Variants in GLB1 observed in about 807,000 individuals in gnomAD.
GLB1 encodes the protein beta-galactosidase.
GLB1 carries 56 observed loss-of-function variants against 74.0 expected under a neutral mutation model. The ratio of observed to expected loss-of-function variants is 0.76; its 90% confidence interval spans 0.61 to 0.94. GLB1 has a LOEUF of 0.94. Among genes scored for constraint, GLB1 ranks in the 40% least tolerant of loss-of-function variants. The pLI, the probability that GLB1 is intolerant of heterozygous loss-of-function variation, is 0.00. For synonymous variants in GLB1, 323 were observed against 323.6 expected (o/e 1.00, Z 0.02); for missense variants, 787 against 845.5 (o/e 0.93, Z 0.86).
intron 1 of GLB1, chr3:33,092,182 C>T: frequency 1.0e-6 from 1 of 985,814 alleles, no homozygotes; most frequent in Non-Finnish European, 1.2e-6. Context: ...CCCCCAAAGG[C>T]CCAGGAGCAC....
At chr3:33,022,509 T>C (rs1697533052) in intron 11 of GLB1, among the ~76,000 whole-genome samples, 1 of 148,176 alleles carries the variant, frequency 6.7e-6, no homozygotes, top group Non-Finnish European at 1.5e-5. Flanking sequence ...CCAGGATTTG[T>C]AGTTAGATTT....
rs1700866071 is a variant in GLB1 at position 33,093,543 on chromosome 3, C to T, written c.75+3468G>A. On this transcript the variant is annotated intron_variant, in intron 1 of 15. Coordinates refer to ENST00000307363, the MANE Select transcript of GLB1 (RefSeq NM_000404.4). This position sits in a 1 kb window ranked among gnomAD's most constrained non-coding sequence, Gnocchi z 6.0. Reference sequence around the variant, plus strand: ...CATCTTGGTCCTGCCCACTGTGGGGCCCAAGTGAATGTCTGAGAGGAGCAC... The same window carrying T: ...CATCTTGGTCCTGCCCACTGTGGGGTCCAAGTGAATGTCTGAGAGGAGCAC... 1.2e-6 allele frequency: 2 copies of T among 1,614,190 alleles called. No individual in the cohort carries two copies. The highest frequency in any genetic ancestry group is 1.7e-6 in the Non-Finnish European group (2 of 1,180,024).
downstream of GLB1, among the ~76,000 whole-genome samples, chr3:32,993,666 C>A (rs1324337024): frequency 6.6e-6 from 1 of 150,780 alleles, no homozygotes; most frequent in African/African-American, 2.4e-5. Context: ...TCCTGAGTAG[C>A]TGGGATTACA....
chr3:33,053,608 A>G, intron 6 of GLB1, 59 bp from the exon 7 acceptor site: 1 of 1,610,504 alleles, frequency 6.2e-7, no homozygotes, highest in Non-Finnish European at 8.5e-7. Context: ...AAGTTAAATA[A>G]CAAGAGCCCT....
At chr3:33,065,370 T>C (rs922801154) in intron 5 of GLB1, 93 bp downstream of exon 5, 14 of 1,473,606 alleles carry the variant, frequency 9.5e-6, no homozygotes, top group Non-Finnish European at 1.3e-5. Flanking sequence ...AACAGACCTA[T>C]GAGGCTCATG....
At chr3:33,020,850 G>A (rs1254691364) in intron 12 of GLB1, among the ~76,000 whole-genome samples, 1 of 152,112 alleles carries the variant, frequency 6.6e-6, no homozygotes, top group Non-Finnish European at 1.5e-5. Flanking sequence ...GGAGTGACAT[G>A]GTGCTGATAA....
At chr3:33,030,145 G>A (rs1260291450) in intron 10 of GLB1, 1 of 152,078 alleles carries the variant, frequency 6.6e-6, no homozygotes. Context: ...AAACAGTGCT[G>A]TTTCATTCAT....
At chr3:32,975,806 A>T in the GLB1 span, among the ~76,000 whole-genome samples, 3 of 152,234 alleles carry the variant, frequency 2.0e-5, no homozygotes, top group Non-Finnish European at 4.4e-5. Flanking sequence ...GTACTTTTAA[A>T]TAAATATGCT....
At chr3:33,049,715 C>T (rs1356450088) in intron 9 of GLB1, among the ~76,000 whole-genome samples, 1 of 152,186 alleles carries the variant, frequency 6.6e-6, no homozygotes, top group Non-Finnish European at 1.5e-5. Context: ...CGCACCCAGC[C>T]TGGTCACCTA....
Position 33,046,128 on chromosome 3 carries a change from T to C in GLB1, c.1060A>G (p.Ile354Val). 6.2e-7 allele frequency: 1 copy of C among 1,612,966 alleles called. No homozygotes were observed. Among genetic ancestry groups the C allele is most frequent in the East Asian group, 2.2e-5 (1 of 44,846 alleles). ...TCATACAAAGCACCCACCTTCTGGA[T>C]GATGTTTCGCAGAGCAAAATACTTC... ...TEKYFALRNI[I>V]QKFEKVPEGP... is the part of the protein sequence containing the mutation. The change falls in exon 10 of 16, where the codon ATC becomes GTC. Residue 354 changes from isoleucine (I) to valine (V), a missense_variant. Physicochemically the swap from Ile to Val is conservative, Grantham distance 29 (BLOSUM62 3). Coordinates refer to ENST00000307363, the MANE Select transcript of GLB1 (RefSeq NM_000404.4).
chr3:33,054,395 G>A (rs1031658299), intron 6 of GLB1, among the ~76,000 whole-genome samples: 12 of 152,178 alleles, frequency 7.9e-5, no homozygotes, highest in East Asian at 3.9e-4. Flanking sequence ...GGAGGTCCCC[G>A]TGGCCTTTCC....
intron 15 of GLB1, among the ~76,000 whole-genome samples, chr3:33,000,084 C>T (rs1204640177): frequency 6.6e-6 from 1 of 151,752 alleles, no homozygotes; most frequent in Non-Finnish European, 1.5e-5. Context: ...GGACTACGGG[C>T]ATGCCCCACC....
At chr3:33,045,681 G>T in intron 10 of GLB1, 2 of 1,024,218 alleles carry the variant, frequency 2.0e-6, no homozygotes, top group Non-Finnish European at 2.3e-6. Context: ...AAGGATAGGG[G>T]CTCCCATATA....
chr3:33,047,543 C>T (rs1276863692), intron 9 of GLB1, among the ~76,000 whole-genome samples: 4 of 152,206 alleles, frequency 2.6e-5, no homozygotes, highest in African/African-American at 9.7e-5. Flanking sequence ...CTTCAGAGAG[C>T]ATATTGCAAT....
chr3:33,046,021 C>T, intron 10 of GLB1, 99 bp downstream of exon 10: 2 of 1,435,496 alleles, frequency 1.4e-6, no homozygotes, highest in South Asian at 2.4e-5. Context: ...TCCTTTTAAA[C>T]AGGAGGGCTC....
At chr3:33,013,752 C>T (rs141202468) in intron 15 of GLB1, among the ~76,000 whole-genome samples, 102 of 152,144 alleles carry the variant, frequency 6.7e-4, no homozygotes, top group African/African-American at 2.3e-3. Flanking sequence ...ACTGGATTGT[C>T]CTCAAGATAA....
At chr3:33,027,121 T>A (rs1488331376) in intron 10 of GLB1, among the ~76,000 whole-genome samples, 2 of 152,214 alleles carry the variant, frequency 1.3e-5, no homozygotes, top group Non-Finnish European at 2.9e-5. Flanking sequence ...GCTGTGACTC[T>A]CTCTTTGGGG....
chr3:32,979,137 C>T, the GLB1 span, among the ~76,000 whole-genome samples: 6 of 151,874 alleles, frequency 4.0e-5, no homozygotes, highest in Non-Finnish European at 7.4e-5. Flanking sequence ...CCACCATGCC[C>T]GGCTAATTTT....
intron 10 of GLB1, among the ~76,000 whole-genome samples, chr3:33,037,423 C>A (rs1698327069): frequency 6.6e-6 from 1 of 152,088 alleles, no homozygotes. Flanking sequence ...TATACCTCAA[C>A]AAATCTGTTT....
Sources: gnomAD v4.1 joint callset for allele counts (sites outside exome capture counted in the v4.1 genomes callset) on GRCh38, gnomAD v4.1.1 for gene constraint, Gnocchi (gnomAD v3.1) non-coding constraint, MANE v1.5 for transcripts, NCBI Gene and HGNC (gene_info 2026-07-23, HGNC 2026-07-21) for gene names.